Variants in ADGB observed in about 807,000 individuals in gnomAD.
ADGB encodes the protein androglobin.
Under a neutral mutation model 210.5 loss-of-function variants are expected in ADGB, and 172 were observed. The ratio of observed to expected loss-of-function variants is 0.82; its 90% CI spans 0.72 to 0.93. The LOEUF (loss-of-function observed/expected upper bound fraction) is 0.93, where lower values mean the gene tolerates loss of function less well. Among genes scored for constraint, ADGB ranks in the 40% least tolerant of loss-of-function variants. The pLI is 0.00. For missense variants in ADGB, 2,025 were observed against 1,964.8 expected, an observed-to-expected ratio of 1.03 and a Z score of -0.58; for synonymous variants, 658 against 662.7, an observed-to-expected ratio of 0.99 and a Z score of 0.11.
At chr6:146,718,629 G>A (rs543241923) in intron 16 of ADGB, among the ~76,000 whole-genome samples, 3 of 152,304 alleles carry the variant, frequency 2.0e-5, no homozygotes, top group African/African-American at 7.2e-5. Flanking sequence ...CATATTCCGG[G>A]AAACTAAACT....
intron 5 of ADGB, among the ~76,000 whole-genome samples, chr6:146,658,640 C>T (rs1775816263): frequency 6.6e-6 from 1 of 152,190 alleles, no homozygotes; most frequent in Admixed American, 6.5e-5. Context: ...TCATTAACAT[C>T]ACTTTCCATT....
intron 20 of ADGB, among the ~76,000 whole-genome samples, chr6:146,730,064 G>A (rs984239669): frequency 4.6e-5 from 7 of 152,094 alleles, no homozygotes; most frequent in East Asian, 1.9e-4. Context: ...TCTATTTTGC[G>A]TGTAAACAAA....
At chr6:146,648,171 T>A (rs1583573629) in intron 3 of ADGB, among the ~76,000 whole-genome samples, 1 of 152,220 alleles carries the variant, frequency 6.6e-6, no homozygotes, top group East Asian at 1.9e-4. Context: ...ACCAAAAATA[T>A]ACTTTCATAT....
rs568734265 is a variant in ADGB, at chr6:146,756,638, A to G, written c.3550+3924A>G. ...CTCAGTGTAATTGTGCTCGCTAAAC[A>G]TAATTTCCATCCTCCCACTGTACCA... On this transcript the variant is annotated intron_variant, in intron 27 of 35. Transcript: ENST00000397944. 2.4e-4 allele frequency among the ~76,000 whole-genome samples: 37 copies of G among 152,144 alleles called. No individual in the cohort carries two copies. In the East Asian group the frequency reaches 5.8e-3, roughly 24 times the overall value.
At chr6:146,747,805 G>A (rs527320903) in intron 26 of ADGB, among the ~76,000 whole-genome samples, 2 of 144,814 alleles carry the variant, frequency 1.4e-5, no homozygotes, top group East Asian at 4.0e-4. Flanking sequence ...TTGAGACAGA[G>A]TCTCACTCTG....
intron 2 of ADGB, among the ~76,000 whole-genome samples, chr6:146,636,940 A>T (rs894395572): frequency 3.9e-5 from 6 of 151,988 alleles, no homozygotes; most frequent in Non-Finnish European, 5.9e-5. Context: ...GCCTCAGATG[A>T]ATTCACCCTT....
intron 12 of ADGB, among the ~76,000 whole-genome samples, chr6:146,699,496 T>C (rs551229979): frequency 4.6e-5 from 7 of 152,222 alleles, no homozygotes; most frequent in African/African-American, 1.7e-4. Context: ...AGGCAGAAGA[T>C]GGGTGTAATT....
chr6:146,740,845 T>C (rs567517290), intron 24 of ADGB, among the ~76,000 whole-genome samples: 5 of 152,252 alleles, frequency 3.3e-5, no homozygotes, highest in African/African-American at 1.2e-4. Flanking sequence ...AACAAATTAA[T>C]ATGCTTTTAG....
intron 13 of ADGB, among the ~76,000 whole-genome samples, chr6:146,707,019 C>T (rs895738908): frequency 1.3e-5 from 2 of 151,862 alleles, no homozygotes; most frequent in Non-Finnish European, 2.9e-5. Context: ...GCTTCATTTA[C>T]TGCATCCTAT....
chr6:146,655,712 C>T (rs1775769869), intron 4 of ADGB, among the ~76,000 whole-genome samples: 1 of 151,972 alleles, frequency 6.6e-6, no homozygotes, highest in Non-Finnish European at 1.5e-5. Context: ...TTTAATGAAT[C>T]CTAATCCCAC....
chr6:146,808,247 G>A (rs941689266), intron 35 of ADGB, among the ~76,000 whole-genome samples: 24 of 152,066 alleles, frequency 1.6e-4, no homozygotes, highest in African/African-American at 5.1e-4. Flanking sequence ...TGATCTGCGC[G>A]CATCGGCCTC....
At chr6:146,660,538 A>G (rs1347164329) in intron 5 of ADGB, among the ~76,000 whole-genome samples, 5 of 152,022 alleles carry the variant, frequency 3.3e-5, no homozygotes, top group Non-Finnish European at 5.9e-5. Context: ...TCTGTACACT[A>G]TTCTTTTCCC....
intron 3 of ADGB, among the ~76,000 whole-genome samples, chr6:146,645,858 A>G (rs1277627445): frequency 6.6e-6 from 1 of 152,044 alleles, no homozygotes; most frequent in Non-Finnish European, 1.5e-5. Context: ...TTGAAATAAA[A>G]TAAATAGAAT....
chr6:146,775,705 T>A (rs1486117083), intron 29 of ADGB, among the ~76,000 whole-genome samples: 1 of 152,144 alleles, frequency 6.6e-6, no homozygotes, highest in Non-Finnish European at 1.5e-5. Flanking sequence ...ATAACACTAT[T>A]CCTTTAACTC....
chr6:146,741,958 C>G (rs1336041833), intron 25 of ADGB, among the ~76,000 whole-genome samples: 1 of 152,128 alleles, frequency 6.6e-6, no homozygotes, highest in Non-Finnish European at 1.5e-5. Flanking sequence ...GTCTTTAAAC[C>G]TCTTCATTTT....
chr6:146,706,845 G>GTTTTTTTTTTTTTTTTTGTTATTTTTT (rs34520729), intron 13 of ADGB, among the ~76,000 whole-genome samples: 1 of 100,736 alleles, frequency 9.9e-6, no homozygotes, highest in African/African-American at 4.4e-5. Context: ...TCAGCTTAGT[G>GTTTTTTTTTTTTTTTTTGTTATTTTTT]TTTTTTTTTT....
In ADGB at chr6:146,767,605, A is replaced by G. The variant is rs144056866; in HGVS notation, c.3751-1415A>G. ...CGTCTCAGCCTCTGGAGTAGCTGGG[A>G]TTATAGGCACATGCCCCCACACCCG... On this transcript the variant is annotated intron_variant, in intron 28 of 35. Coordinates refer to ENST00000397944, the MANE Select transcript of ADGB (RefSeq NM_024694.4). Among the ~76,000 whole-genome samples the G allele has an allele frequency of 2.6e-4, 39 of 152,144 alleles. No individual in the cohort carries two copies. The East Asian group carries it at 6.8e-3, about 26-fold the overall frequency.
chr6:146,815,140 G>T lies in ADGB; in HGVS notation c.4927G>T (p.Ala1643Ser). Reference protein sequence around the residue: ...LKLETLAAQEAAMKLETEKMT... With the variant: ...LKLETLAAQESAMKLETEKMT... ...GCTGGAAACTCTGGCTGCTCAGGAA[G>T]CAGCCATGAAGCTGGAGACAGAAAA... Residue 1643 changes from alanine to serine, a missense_variant, in exon 36 of 36, where the codon GCA becomes TCA. Coordinates refer to ENST00000397944, the MANE Select transcript of ADGB (RefSeq NM_024694.4). 1 of 1,546,924 alleles carries T rather than the reference G, an allele frequency of 6.5e-7. No individual in the cohort carries two copies. The highest frequency in any genetic ancestry group is 8.7e-7 in the Non-Finnish European group (1 of 1,145,888).
At chr6:146,795,886 C>T (rs1376122071) in intron 33 of ADGB, among the ~76,000 whole-genome samples, 1 of 152,070 alleles carries the variant, frequency 6.6e-6, no homozygotes, top group African/African-American at 2.4e-5. Flanking sequence ...AAATGTGGTA[C>T]ATATGCACCA....
Sources: allele counts gnomAD v4.1 joint callset (sites outside exome capture counted in the v4.1 genomes callset), GRCh38; gene constraint gnomAD v4.1.1; transcripts MANE v1.5; gene names NCBI Gene and HGNC (gene_info 2026-07-23, HGNC 2026-07-21).